Variants in SLC4A10 observed in about 807,000 individuals in gnomAD.
The protein encoded by SLC4A10 is sodium-driven chloride bicarbonate exchanger.
SLC4A10 carries 42 observed loss-of-function variants against 137.7 expected under a neutral mutation model. The ratio of observed to expected loss-of-function variants is 0.30; its 90% CI spans 0.24 to 0.39. The LOEUF (loss-of-function observed/expected upper bound fraction) is 0.39. Among genes scored for constraint, SLC4A10 ranks in the 10% least tolerant of loss-of-function variants. The pLI is 1.00. For missense variants in SLC4A10, 925 were observed against 1,355.0 expected, an observed-to-expected ratio of 0.68 and a Z score of 4.98; for synonymous variants, 474 against 464.1, an observed-to-expected ratio of 1.02 and a Z score of -0.27.
chr2:161,650,628 G>A (rs895925057), intron 1 of SLC4A10, among the ~76,000 whole-genome samples: 1 of 152,242 alleles, frequency 6.6e-6, no homozygotes, highest in Non-Finnish European at 1.5e-5. Context: ...GCCGGCTCCT[G>A]TTCCTCCCGG....
At chr2:161,694,001 A>G (rs1184328796) in intron 1 of SLC4A10, among the ~76,000 whole-genome samples, 6 of 152,046 alleles carry the variant, frequency 3.9e-5, no homozygotes, top group Non-Finnish European at 8.8e-5. Flanking sequence ...AACTTGGCAC[A>G]TTCACAAAAG....
chr2:161,888,042 C>A (rs1231783344), intron 10 of SLC4A10, among the ~76,000 whole-genome samples: 6 of 152,194 alleles, frequency 3.9e-5, no homozygotes, highest in Non-Finnish European at 5.9e-5. Context: ...GTTTTCCCAA[C>A]ACCATTTATT....
intron 4 of SLC4A10, among the ~76,000 whole-genome samples, chr2:161,848,040 A>AT (rs2059608509): frequency 1.3e-5 from 2 of 152,004 alleles, no homozygotes; most frequent in South Asian, 2.1e-4. Context: ...AGCTTCTGTT[A>AT]TTTTTTGACT....
chr2:161,708,842 GA>G (rs1416575966), intron 1 of SLC4A10: 1 of 1,525,580 alleles, frequency 6.6e-7, no homozygotes, highest in South Asian at 1.2e-5. Flanking sequence ...ATGACCTCAT[GA>G]ATTATGATGA....
intron 4 of SLC4A10, among the ~76,000 whole-genome samples, chr2:161,843,191 C>T (rs2059290255): frequency 6.6e-6 from 1 of 151,948 alleles, no homozygotes; most frequent in Admixed American, 6.6e-5. Context: ...TCATTTTAAC[C>T]AATAATTTCT....
At chr2:161,928,967 C>A (rs1370125638) in intron 15 of SLC4A10, among the ~76,000 whole-genome samples, 1 of 152,162 alleles carries the variant, frequency 6.6e-6, no homozygotes, top group African/African-American at 2.4e-5. Context: ...GTTACTTCTG[C>A]AAGAAACTTG....
At chr2:161,874,148 A>G in intron 8 of SLC4A10, 143 bp downstream of exon 8, 1 of 825,482 alleles carries the variant, frequency 1.2e-6, no homozygotes, top group South Asian at 1.9e-5. Flanking sequence ...TTGCATCTTC[A>G]TTCATCTGCA....
intron 1 of SLC4A10, among the ~76,000 whole-genome samples, chr2:161,765,254 C>T (rs140707718): frequency 6.0e-4 from 91 of 152,024 alleles, no homozygotes; most frequent in African/African-American, 2.1e-3. Context: ...GGGTCATGCC[C>T]AAAAAAATTT....
Position 161,945,826 on chromosome 2 carries a change from C to T in SLC4A10, c.2104-1740C>T, listed in dbSNP as rs537980142. Among the ~76,000 whole-genome samples the T allele has an allele frequency of 3.3e-5, 5 of 151,962 alleles. No homozygotes were observed. In the South Asian group the frequency reaches 1.0e-3, roughly 32 times the overall value. The stretch of plus-strand genomic sequence containing the variant: ...TATAGAGTGTAAGACAGCTAAGGAA[C>T]CCTTTAAATGTCATCTATGTTCTTA... On this transcript the variant is annotated intron_variant, in intron 16 of 26. Coordinates refer to ENST00000446997, the MANE Select transcript of SLC4A10 (RefSeq NM_001178015.2).
At chr2:161,844,212 A>C (rs549256415) in intron 4 of SLC4A10, among the ~76,000 whole-genome samples, 1 of 152,220 alleles carries the variant, frequency 6.6e-6, no homozygotes, top group African/African-American at 2.4e-5. Flanking sequence ...ACATACATAC[A>C]TGGCAGAATA....
Position 161,928,665 on chromosome 2 carries a change from AAAAGT to A in SLC4A10, c.1998-14125_1998-14121del, listed in dbSNP as rs1457129199. On this transcript the variant is annotated intron_variant, in intron 15 of 26. Coordinates refer to ENST00000446997, the MANE Select transcript of SLC4A10 (RefSeq NM_001178015.2). Reference sequence around the variant, plus strand: ...CCTTGAAAGCAAAAAAAAAAAAAAAAAAAGTAGGAGTTTCAGGTTGGGACAGACCT... The same window carrying A: ...CCTTGAAAGCAAAAAAAAAAAAAAAAAGGAGTTTCAGGTTGGGACAGACCT... Among the ~76,000 whole-genome samples, 9 of 150,778 alleles carry A rather than the reference AAAAGT, an allele frequency of 6.0e-5. No individual in the cohort carries two copies. In the South Asian group the frequency reaches 1.7e-3, roughly 28 times the overall value.
intron 3 of SLC4A10, among the ~76,000 whole-genome samples, chr2:161,822,795 C>CA (rs2057730235): frequency 6.6e-6 from 1 of 152,010 alleles, no homozygotes; most frequent in Non-Finnish European, 1.5e-5. Flanking sequence ...GCCAACATGG[C>CA]AAAACCTCCT....
At chr2:161,664,295 T>A (rs745585668) in intron 1 of SLC4A10, among the ~76,000 whole-genome samples, 1 of 151,966 alleles carries the variant, frequency 6.6e-6, no homozygotes, top group African/African-American at 2.4e-5. Context: ...ATCTTTGAAC[T>A]CATAACTAAA....
intron 3 of SLC4A10, among the ~76,000 whole-genome samples, chr2:161,838,681 T>A (rs2058976680): frequency 6.6e-6 from 1 of 152,182 alleles, no homozygotes. Flanking sequence ...TCATAAACAC[T>A]TTGCCAGAGA....
intron 1 of SLC4A10, among the ~76,000 whole-genome samples, chr2:161,667,608 T>TTGATAAAAA (rs2039205057): frequency 6.6e-6 from 1 of 151,674 alleles, no homozygotes; most frequent in African/African-American, 2.4e-5. Flanking sequence ...TTTTATAACA[T>TTGATAAAAA]TGATAAAAAT....
intron 1 of SLC4A10, among the ~76,000 whole-genome samples, chr2:161,664,734 G>T (rs1364409998): frequency 2.7e-5 from 4 of 150,662 alleles, no homozygotes; most frequent in African/African-American, 9.7e-5. Flanking sequence ...AATTTTTAGG[G>T]TGTTGAGTTA....
At chr2:161,699,323 A>G (rs2042895048) in intron 1 of SLC4A10, among the ~76,000 whole-genome samples, 1 of 152,098 alleles carries the variant, frequency 6.6e-6, no homozygotes, top group South Asian at 2.1e-4. Context: ...CCCGGCCGAC[A>G]TTTATTATAT....
chr2:161,876,617 G>C (rs538568081), intron 8 of SLC4A10, among the ~76,000 whole-genome samples: 1 of 152,054 alleles, frequency 6.6e-6, no homozygotes, highest in Non-Finnish European at 1.5e-5. Flanking sequence ...CAGGAAGTTC[G>C]AGGCTGCAGT....
chr2:161,957,737 A>G (rs1234996560), intron 20 of SLC4A10, among the ~76,000 whole-genome samples: 1 of 152,090 alleles, frequency 6.6e-6, no homozygotes, highest in Non-Finnish European at 1.5e-5. Context: ...ATCATTGCAT[A>G]TAGTGATTTT....
Sources: allele counts gnomAD v4.1 joint callset (sites outside exome capture counted in the v4.1 genomes callset), GRCh38; gene constraint gnomAD v4.1.1; transcripts MANE v1.5; gene names NCBI Gene and HGNC (gene_info 2026-07-23, HGNC 2026-07-21).